Variants in CCDC85A observed in about 807,000 individuals in gnomAD.
The protein encoded by CCDC85A is coiled-coil domain containing 85A.
Under a neutral mutation model 50.2 loss-of-function variants are expected in CCDC85A, and 38 were observed. That is an observed-to-expected ratio of 0.76 (90% CI 0.58 to 0.99). CCDC85A has a LOEUF of 0.99. Ranked by LOEUF, CCDC85A falls within the 50% of genes least tolerant of loss-of-function variation. CCDC85A has a pLI of 0.00. For missense variants in CCDC85A, 820 were observed against 742.0 expected (o/e 1.11, Z -1.22); for synonymous variants, 366 against 301.4 (o/e 1.21, Z -2.22).
intron 2 of CCDC85A, among the ~76,000 whole-genome samples, chr2:56,214,180 C>T (rs1677301224): frequency 2.0e-5 from 3 of 151,924 alleles, no homozygotes; most frequent in African/African-American, 7.2e-5. Flanking sequence ...CCTAGCTTAT[C>T]CACTTGCTAC....
chr2:56,236,665 G>T (rs1669028886), intron 2 of CCDC85A, among the ~76,000 whole-genome samples: 1 of 152,132 alleles, frequency 6.6e-6, no homozygotes, highest in Admixed American at 6.5e-5. Context: ...GTATCAAGGG[G>T]TGATAACTCA....
At chr2:56,339,141 A>T (rs1674230213) in intron 2 of CCDC85A, among the ~76,000 whole-genome samples, 1 of 152,196 alleles carries the variant, frequency 6.6e-6, no homozygotes, top group Non-Finnish European at 1.5e-5. Context: ...TCTTCATCCT[A>T]ACCCTAGAAC....
At chr2:56,196,246 C>T (rs1010727523) in intron 2 of CCDC85A, among the ~76,000 whole-genome samples, 2 of 152,114 alleles carry the variant, frequency 1.3e-5, no homozygotes, top group Non-Finnish European at 2.9e-5. Flanking sequence ...ACAAAATTCT[C>T]AAAAATGCAT....
intron 3 of CCDC85A, among the ~76,000 whole-genome samples, chr2:56,353,394 G>A (rs980031065): frequency 2.6e-5 from 4 of 152,204 alleles, no homozygotes; most frequent in Admixed American, 6.5e-5. Flanking sequence ...TAAAATGAGT[G>A]TGATAAAGGC....
chr2:56,217,267 G>A (rs749794251), intron 2 of CCDC85A, among the ~76,000 whole-genome samples: 3 of 151,768 alleles, frequency 2.0e-5, no homozygotes, highest in Non-Finnish European at 4.4e-5. Context: ...ACACCTCTTC[G>A]TCTCCCTAAT....
At chr2:56,336,872 A>G (rs1024226503) in intron 2 of CCDC85A, among the ~76,000 whole-genome samples, 1 of 152,218 alleles carries the variant, frequency 6.6e-6, no homozygotes, top group African/African-American at 2.4e-5. Flanking sequence ...CATCAAGAAT[A>G]TCTAAAGTCA....
At chr2:56,348,196 A>G (rs1020337420) in intron 3 of CCDC85A, among the ~76,000 whole-genome samples, 2 of 152,202 alleles carry the variant, frequency 1.3e-5, no homozygotes, top group East Asian at 3.9e-4. Flanking sequence ...GTTCTTTTTG[A>G]TCAAATGCTC....
intron 3 of CCDC85A, among the ~76,000 whole-genome samples, chr2:56,353,178 C>T (rs1190119398): frequency 2.6e-5 from 4 of 152,150 alleles, no homozygotes; most frequent in Non-Finnish European, 5.9e-5. Flanking sequence ...AAATAACATA[C>T]AGTCATGGAC....
chr2:56,276,314 A>ATTTTG (rs1670941232), intron 2 of CCDC85A, among the ~76,000 whole-genome samples: 1 of 113,954 alleles, frequency 8.8e-6, no homozygotes. Context: ...TACTGGCTTT[A>ATTTTG]CTTTCTGAAG....
chr2:56,304,989 G>A (rs1277137226), intron 2 of CCDC85A, among the ~76,000 whole-genome samples: 2 of 151,018 alleles, frequency 1.3e-5, no homozygotes, highest in African/African-American at 4.9e-5. Flanking sequence ...TTTAGTCCCA[G>A]CTATTCAGGA....
chr2:56,229,572 A>G (rs1036271360), intron 2 of CCDC85A, among the ~76,000 whole-genome samples: 1 of 152,118 alleles, frequency 6.6e-6, no homozygotes, highest in African/African-American at 2.4e-5. Context: ...ACGAAAGGAG[A>G]GAAAGAAAAA....
intron 2 of CCDC85A, among the ~76,000 whole-genome samples, chr2:56,278,202 A>G (rs1220678004): frequency 6.6e-6 from 1 of 152,060 alleles, no homozygotes; most frequent in East Asian, 1.9e-4. Flanking sequence ...TGGTTTGAGT[A>G]GTGTCTTCAC....
intron 2 of CCDC85A, among the ~76,000 whole-genome samples, chr2:56,318,934 A>G (rs1673036970): frequency 6.6e-6 from 1 of 152,118 alleles, no homozygotes; most frequent in African/African-American, 2.4e-5. Context: ...ACAGGAAGCT[A>G]GTCTGAAGAC....
At chr2:56,257,389 C>A (rs1012342377) in intron 2 of CCDC85A, among the ~76,000 whole-genome samples, 8 of 151,824 alleles carry the variant, frequency 5.3e-5, no homozygotes, top group Admixed American at 2.0e-4. Flanking sequence ...TGAAGTGAGA[C>A]CTAAATTAAG....
chr2:56,380,427 G>A (rs1303090034), intron 5 of CCDC85A, among the ~76,000 whole-genome samples: 1 of 152,034 alleles, frequency 6.6e-6, no homozygotes, highest in Non-Finnish European at 1.5e-5. Context: ...AGGCACAGTA[G>A]CACACACCTA....
chr2:56,210,545 C>G (rs1464750392), intron 2 of CCDC85A, among the ~76,000 whole-genome samples: 3 of 152,048 alleles, frequency 2.0e-5, no homozygotes, highest in Non-Finnish European at 4.4e-5. Flanking sequence ...TTCTACTCCA[C>G]AATGTCTGGG....
intron 2 of CCDC85A, among the ~76,000 whole-genome samples, chr2:56,291,774 T>C (rs1352527592): frequency 0.018 from 4 of 218 alleles, no homozygotes; most frequent in Non-Finnish European, 0.061. Context: ...ATGGGAAGGC[T>C]TTTTTTTTTT....
At chr2:56,330,398 G>A (rs943448328) in intron 2 of CCDC85A, among the ~76,000 whole-genome samples, 1 of 152,146 alleles carries the variant, frequency 6.6e-6, no homozygotes, top group African/African-American at 2.4e-5. Flanking sequence ...TGCTTGTATT[G>A]TGTGTTTTAT....
chr2:56,289,991 G>A (rs1169121024), intron 2 of CCDC85A, among the ~76,000 whole-genome samples: 3 of 152,132 alleles, frequency 2.0e-5, no homozygotes, highest in Non-Finnish European at 4.4e-5. Flanking sequence ...GAGGGGTCGA[G>A]GTGGTGATTG....
Sources: allele counts gnomAD v4.1 joint callset (sites outside exome capture counted in the v4.1 genomes callset), GRCh38; gene constraint gnomAD v4.1.1; transcripts MANE v1.5; gene names NCBI Gene and HGNC (gene_info 2026-07-23, HGNC 2026-07-21).